The following METTL23 variants were observed in gnomAD, a reference collection of about 807,000 sequenced individuals.
METTL23 encodes the protein histone-arginine methyltransferase METTL23.
METTL23 carries 24 observed loss-of-function variants against 21.2 expected under a neutral mutation model. The observed-to-expected ratio is 1.13, with a 90% CI of 0.82 to 1.59. The LOEUF is 1.59. METTL23 is among the 40% of genes most tolerant of loss of function. METTL23 has a pLI of 0.00. For missense variants in METTL23, 276 were observed against 221.4 expected (o/e 1.25, Z -1.57); for synonymous variants, 97 against 75.2 (o/e 1.29, Z -1.50).
At chr17:76,726,320 C>G, upstream of METTL23, 1 of 1,543,946 alleles carries the variant, frequency 6.5e-7, no homozygotes, top group Non-Finnish European at 8.7e-7. Flanking sequence ...GATGCCCGGC[C>G]TGGCCACCCC....
chr17:76,730,754 G>C (rs377627769), intron 2 of METTL23, among the ~76,000 whole-genome samples: 1 of 151,796 alleles, frequency 6.6e-6, no homozygotes, highest in African/African-American at 2.4e-5. Flanking sequence ...GATTGCCTGA[G>C]GTCAGGAGTT....
upstream of METTL23, chr17:76,726,283 G>A (rs1195067925): frequency 4.0e-6 from 6 of 1,504,700 alleles, no homozygotes; most frequent in East Asian, 2.7e-5. Flanking sequence ...CGGGCCCAGA[G>A]AAAGGTGCGT....
intron 2 of METTL23, chr17:76,732,555 A>G (rs1465175447): frequency 4.0e-5 from 7 of 177,078 alleles, no homozygotes; most frequent in Non-Finnish European, 4.9e-5. Context: ...AGGCAGGAGA[A>G]TCACTGGAAC....
intron 1 of METTL23, among the ~76,000 whole-genome samples, chr17:76,728,501 CG>C (rs2143798822): frequency 6.6e-6 from 1 of 151,586 alleles, no homozygotes; most frequent in South Asian, 2.1e-4. Flanking sequence ...ACCTCCGCCT[CG>C]TGGGTTCAAG....
chr17:76,733,584 T>G lies in METTL23; in HGVS notation c.471T>G (p.Leu157=), dbSNP rs745338239. Residue 157 remains leucine (L), a synonymous_variant, in exon 5 of 5, where the codon CTT becomes CTG. Transcript: ENST00000341249. ...ATATGAAATGTGTCCACATTCCTCT[T>G]GAGTCTTTTGATGCAGACAAAGAAG... is the stretch of plus-strand genomic sequence containing the variant. ...KWDMKCVHIP[L]ESFDADKEDI... 2.5e-6 allele frequency: 4 copies of G among 1,613,718 alleles called. No individual in the cohort carries two copies. Among genetic ancestry groups the G allele is most frequent in the Non-Finnish European group, 2.5e-6 (3 of 1,179,754 alleles).
At chr17:76,729,005 T>C (rs1329697798) in intron 1 of METTL23, among the ~76,000 whole-genome samples, 2 of 151,208 alleles carry the variant, frequency 1.3e-5, no homozygotes, top group Admixed American at 1.3e-4. Flanking sequence ...TTCACCGCGT[T>C]AGCCAGGATG....
chr17:76,726,188 G>A (rs1339858926), upstream of METTL23, among the ~76,000 whole-genome samples: 1 of 152,248 alleles, frequency 6.6e-6, no homozygotes, highest in Non-Finnish European at 1.5e-5. Context: ...GACCCGCCCC[G>A]GAATCCGCGC....
chr17:76,726,204 G>T, upstream of METTL23: 1 of 1,168,246 alleles, frequency 8.6e-7, no homozygotes, highest in Non-Finnish European at 1.1e-6. Context: ...CGCGCCTCGG[G>T]GACCCCAAAC....
chr17:76,731,102 A>G (rs903929446), intron 2 of METTL23, among the ~76,000 whole-genome samples: 1 of 149,678 alleles, frequency 6.7e-6, no homozygotes, highest in African/African-American at 2.5e-5. Flanking sequence ...GCGAGACTCC[A>G]TCTCAAAAAA....
intron 2 of METTL23, chr17:76,732,650 TAAAAC>T (rs945093236): frequency 7.1e-5 from 24 of 336,156 alleles, no homozygotes; most frequent in Admixed American, 2.2e-4. Context: ...CTCAAAAAAA[TAAAAC>T]AAAACTGAAA....
chr17:76,726,622 A>T (rs1435112533), upstream of METTL23: 1 of 1,103,702 alleles, frequency 9.1e-7, no homozygotes, highest in Non-Finnish European at 1.2e-6. Flanking sequence ...CGCCTTCCAG[A>T]AAATTCACTC....
chr17:76,731,262 G>C (rs925103887), intron 2 of METTL23, among the ~76,000 whole-genome samples: 6 of 152,200 alleles, frequency 3.9e-5, no homozygotes, highest in African/African-American at 1.4e-4. Context: ...GCAACAGAGC[G>C]AGACTGCATC....
In METTL23 at chr17:76,733,587, G is replaced by A; in HGVS notation, c.474G>A (p.Glu158=). 6.2e-7 allele frequency: 1 copy of A among 1,613,826 alleles called. No individual in the cohort carries two copies. The highest frequency in any genetic ancestry group is 8.5e-7 in the Non-Finnish European group (1 of 1,179,822). ...TGAAATGTGTCCACATTCCTCTTGAGTCTTTTGATGCAGACAAAGAAGATA... is the reference window on the plus strand; with the variant it reads ...TGAAATGTGTCCACATTCCTCTTGAATCTTTTGATGCAGACAAAGAAGATA... The part of the protein sequence containing the change: ...WDMKCVHIPL[E]SFDADKEDIA... Residue 158 remains glutamate, a synonymous_variant, in exon 5 of 5, where the codon GAG becomes GAA. Transcript: ENST00000341249.
intron 2 of METTL23, among the ~76,000 whole-genome samples, chr17:76,731,327 T>G (rs905434101): frequency 6.6e-6 from 1 of 152,218 alleles, no homozygotes; most frequent in Non-Finnish European, 1.5e-5. Flanking sequence ...AGTCCCAGGA[T>G]GAAAGTCCTT....
chr17:76,726,656 G>T, upstream of METTL23: 1 of 858,690 alleles, frequency 1.2e-6, no homozygotes, highest in Non-Finnish European at 1.7e-6. Flanking sequence ...CGAGCCTCGG[G>T]TTGGGCAAGC....
chr17:76,731,962 C>A (rs1055260896), intron 2 of METTL23, among the ~76,000 whole-genome samples: 1 of 152,308 alleles, frequency 6.6e-6, no homozygotes, highest in Admixed American at 6.5e-5. Flanking sequence ...AGCATCTTGC[C>A]GCTTTGAAGG....
At chr17:76,726,225 G>T, upstream of METTL23, 1 of 1,301,534 alleles carries the variant, frequency 7.7e-7, no homozygotes, top group African/African-American at 1.6e-5. Context: ...TCCGCGGGGT[G>T]CGGGTGAGCC....
At position 76,733,735 on chromosome 17, in the gene METTL23, C is replaced by T; in HGVS notation, c.*49C>T. ...GACAGTATCAATACTGATGAGCAAC[C>T]TGGCACACAAACTATGAGCAGACCA... On this transcript the variant is annotated 3_prime_UTR_variant, in exon 5 of 5. Transcript: ENST00000341249. 6.5e-7 allele frequency: 1 copy of T among 1,531,432 alleles called. No homozygotes were observed. The highest frequency in any genetic ancestry group is 8.8e-7 in the Non-Finnish European group (1 of 1,130,022). The allele number at this position is 1,531,432 out of a possible 1,614,324, so 94.9% of individuals were successfully genotyped here.
In METTL23 at chr17:76,733,797, A is replaced by G; in HGVS notation, c.*111A>G. 1.1e-6 allele frequency: 1 copy of G among 939,612 alleles called. No homozygotes were observed. Among genetic ancestry groups the G allele is most frequent in the East Asian group, 2.6e-5 (1 of 38,928 alleles). The allele number at this position is 939,612 out of a possible 1,614,324, so 58.2% of individuals were successfully genotyped here. A position where few individuals can be genotyped will look rare whatever the true frequency, so the allele number is the denominator to read the frequency against. On this transcript the variant is annotated 3_prime_UTR_variant, in exon 5 of 5. Transcript: ENST00000341249. ...GAATGCAGTGGGTCTGAAGATGGTC[A>G]AGTCTGTTTGCCTTAGATTTTGATG...
Sources: gnomAD v4.1 joint callset for allele counts (sites outside exome capture counted in the v4.1 genomes callset) on GRCh38, gnomAD v4.1.1 for gene constraint, MANE v1.5 for transcripts, NCBI Gene and HGNC (gene_info 2026-07-23, HGNC 2026-07-21) for gene names.